Variants in DKK2 observed in about 807,000 individuals in gnomAD.
DKK2 encodes the protein dickkopf-related protein 2.
DKK2 carries 11 observed loss-of-function variants against 28.1 expected under a neutral mutation model. The ratio of observed to expected loss-of-function variants is 0.39; its 90% CI spans 0.25 to 0.65. The LOEUF (loss-of-function observed/expected upper bound fraction) is 0.65. Ranked by LOEUF, DKK2 falls within the 30% of genes least tolerant of loss-of-function variation. The pLI is 0.47. For synonymous variants in DKK2, 135 were observed against 126.5 expected, an observed-to-expected ratio of 1.07 and a Z score of -0.45; for missense variants, 326 against 335.5, an observed-to-expected ratio of 0.97 and a Z score of 0.22.
At chr4:106,982,426 A>G (rs2110358497) in intron 1 of DKK2, among the ~76,000 whole-genome samples, 1 of 152,236 alleles carries the variant, frequency 6.6e-6, no homozygotes, top group South Asian at 2.1e-4. Flanking sequence ...ACACACCCAA[A>G]CAGAAAGAAA....
intron 1 of DKK2, among the ~76,000 whole-genome samples, chr4:106,983,380 G>GAAAGA (rs1560585879): frequency 2.5e-4 from 37 of 148,046 alleles, no homozygotes; most frequent in African/African-American, 8.2e-4. Flanking sequence ...AGAAAGAAAA[G>GAAAGA]AAAGAAAAGA....
intron 1 of DKK2, among the ~76,000 whole-genome samples, chr4:106,959,002 AATG>A (rs987837072): frequency 1.2e-4 from 18 of 152,080 alleles, no homozygotes; most frequent in African/African-American, 3.1e-4. Flanking sequence ...GATAAAACAA[AATG>A]ATAAGAAAGG....
intron 1 of DKK2, among the ~76,000 whole-genome samples, chr4:107,016,902 T>G (rs148416010): frequency 1.4e-3 from 208 of 151,992 alleles, no homozygotes; most frequent in African/African-American, 4.8e-3. Flanking sequence ...AGTAGGCACT[T>G]GAATATATAA....
Position 106,923,832 on chromosome 4 carries a change from T to A in DKK2, c.*122A>T. 7.4e-7 allele frequency: 1 copy of A among 1,344,876 alleles called. No homozygotes were observed. 83.3% of individuals were successfully genotyped at this position (1,344,876 alleles called of 1,614,324 possible). On this transcript the variant is annotated 3_prime_UTR_variant, in exon 4 of 4. Coordinates refer to ENST00000285311, the MANE Select transcript of DKK2 (RefSeq NM_014421.3). Reference sequence around the variant, plus strand: ...CTTTCTCCCTTTTTGTGATCATCTATATTCTTATCACGTTTCTTATTTTAG... The same window carrying A: ...CTTTCTCCCTTTTTGTGATCATCTAAATTCTTATCACGTTTCTTATTTTAG...
intron 1 of DKK2, among the ~76,000 whole-genome samples, chr4:106,993,677 T>C (rs1723234400): frequency 6.6e-6 from 1 of 152,192 alleles, no homozygotes; most frequent in South Asian, 2.1e-4. Flanking sequence ...CACTCTTTTA[T>C]TGTTTTAAAC....
chr4:106,965,009 A>ATAGG (rs1339282558), intron 1 of DKK2, among the ~76,000 whole-genome samples: 1 of 151,788 alleles, frequency 6.6e-6, no homozygotes, highest in African/African-American at 2.4e-5. Flanking sequence ...AGATAGATTG[A>ATAGG]TTGATTCTGA....
At chr4:106,933,298 T>C (rs940687802) in intron 1 of DKK2, among the ~76,000 whole-genome samples, 1 of 152,194 alleles carries the variant, frequency 6.6e-6, no homozygotes, top group African/African-American at 2.4e-5. Context: ...CAGATAGACA[T>C]GGGTCTAAGT....
At chr4:107,032,278 A>G (rs1723886441) in intron 1 of DKK2, among the ~76,000 whole-genome samples, 1 of 152,012 alleles carries the variant, frequency 6.6e-6, no homozygotes, top group African/African-American at 2.4e-5. Context: ...TTGAAAGCCA[A>G]CCTTAAATTG....
chr4:107,019,096 A>T (rs772584589), intron 1 of DKK2, among the ~76,000 whole-genome samples: 3 of 152,058 alleles, frequency 2.0e-5, no homozygotes, highest in Middle Eastern at 3.2e-3. Context: ...AAACGAGAAG[A>T]TAAGAACTTC....
At chr4:107,029,937 T>G (rs1578384647) in intron 1 of DKK2, among the ~76,000 whole-genome samples, 1 of 152,258 alleles carries the variant, frequency 6.6e-6, no homozygotes, top group East Asian at 1.9e-4. Context: ...TGACTACTTT[T>G]GTATTTTTGC....
chr4:106,943,654 T>G (rs10488899), intron 1 of DKK2, among the ~76,000 whole-genome samples: 20,312 of 152,106 alleles, frequency 0.13, 1,867 homozygotes, highest in Middle Eastern at 0.2. Flanking sequence ...GTATTTTATG[T>G]TGAACCATCA....
At chr4:107,000,127 A>G (rs1266188390) in intron 1 of DKK2, among the ~76,000 whole-genome samples, 2 of 152,198 alleles carry the variant, frequency 1.3e-5, no homozygotes, top group Non-Finnish European at 2.9e-5. Flanking sequence ...CAAGGATAAA[A>G]GCCCACTGAA....
chr4:106,925,879 G>A lies in DKK2; in HGVS notation c.293C>T (p.Ser98Leu), dbSNP rs267599976. The change falls in exon 2 of 4, where the codon TCG (serine) becomes TTG (leucine). Residue 98 changes from serine to leucine, a missense_variant. Coordinates refer to ENST00000285311, the MANE Select transcript of DKK2 (RefSeq NM_014421.3). ...TTTTCTCCGACACACCATGCAGGCC[G>A]ATGATCCTTGGTGGGGACTGTGGCA... The part of the protein sequence containing the change: ...RYCHSPHQGS[S>L]ACMVCRRKKK... 8.7e-6 allele frequency: 14 copies of A among 1,613,644 alleles called. No homozygotes were observed. The highest frequency in any genetic ancestry group is 6.6e-5 in the South Asian group (6 of 91,050).
At chr4:106,942,968 C>T (rs1724724108) in intron 1 of DKK2, among the ~76,000 whole-genome samples, 1 of 152,104 alleles carries the variant, frequency 6.6e-6, no homozygotes, top group Admixed American at 6.6e-5. Flanking sequence ...TTGTATTATA[C>T]ACTCCAGCTG....
chr4:107,001,348 T>A (rs1241952560), intron 1 of DKK2, among the ~76,000 whole-genome samples: 12 of 152,214 alleles, frequency 7.9e-5, no homozygotes. Context: ...ATTTCTGTTA[T>A]TTTAAGCCAC....
Position 107,021,730 on chromosome 4 carries a change from G to A in DKK2, c.222+13640C>T, listed in dbSNP as rs571941023. Among the ~76,000 whole-genome samples the A allele has an allele frequency of 2.0e-5, 3 of 152,126 alleles. No individual in the cohort carries two copies. In the South Asian group the frequency reaches 6.2e-4, roughly 32 times the overall value. On this transcript the variant is annotated intron_variant, in intron 1 of 3. Transcript: ENST00000285311. ...ACAAAGTTAGAATCAGACCTTCTCAGGGAACAGTGAGTCATTTACGAAGGC... is the reference window on the plus strand; with the variant it reads ...ACAAAGTTAGAATCAGACCTTCTCAAGGAACAGTGAGTCATTTACGAAGGC...
chr4:106,936,355 A>G (rs1724588261), intron 1 of DKK2, among the ~76,000 whole-genome samples: 1 of 152,240 alleles, frequency 6.6e-6, no homozygotes, highest in African/African-American at 2.4e-5. Context: ...CAACTGGAAG[A>G]AAAGGTATCA....
At chr4:107,016,043 A>G (rs1723598924) in intron 1 of DKK2, among the ~76,000 whole-genome samples, 1 of 151,780 alleles carries the variant, frequency 6.6e-6, no homozygotes, top group Non-Finnish European at 1.5e-5. Flanking sequence ...TGTGTGATAT[A>G]ATTTTTCTTA....
chr4:107,002,187 G>A lies in DKK2; in HGVS notation c.222+33183C>T, dbSNP rs151297912. On this transcript the variant is annotated intron_variant, in intron 1 of 3. Coordinates refer to ENST00000285311, the MANE Select transcript of DKK2 (RefSeq NM_014421.3). ...AAAATAATCTGTCCTAAATTACATCGTTCTGAACTAACTGCAAGACTGTTT... is the reference window on the plus strand; with the variant it reads ...AAAATAATCTGTCCTAAATTACATCATTCTGAACTAACTGCAAGACTGTTT... Among the ~76,000 whole-genome samples, 132 of 152,198 alleles carry A rather than the reference G, an allele frequency of 8.7e-4. 1 individual carries two copies. Among genetic ancestry groups the A allele is most frequent in the Non-Finnish European group, 1.4e-3 (98 of 68,010 alleles).
Sources: gnomAD v4.1 joint callset for allele counts (sites outside exome capture counted in the v4.1 genomes callset) on GRCh38, gnomAD v4.1.1 for gene constraint, MANE v1.5 for transcripts, NCBI Gene and HGNC (gene_info 2026-07-23, HGNC 2026-07-21) for gene names.